Variants in HIP1 observed in about 807,000 individuals in gnomAD.
HIP1 encodes the protein huntingtin interacting protein 1.
In HIP1, 65 loss-of-function variants were observed where a neutral mutation model predicts 147.6. That is an observed-to-expected ratio of 0.44 (90% CI 0.36 to 0.54). The LOEUF (loss-of-function observed/expected upper bound fraction) is 0.54, where lower values mean the gene tolerates loss of function less well. HIP1 is among the 20% of genes least tolerant of loss of function. The pLI, the probability that HIP1 is intolerant of heterozygous loss-of-function variation, is 0.00. For synonymous variants in HIP1, 479 were observed against 504.0 expected (o/e 0.95, Z 0.67); for missense variants, 1,061 against 1,299.6 (o/e 0.82, Z 2.82).
At chr7:75,723,787 C>T (rs1432217351) in intron 1 of HIP1, among the ~76,000 whole-genome samples, 5 of 152,056 alleles carry the variant, frequency 3.3e-5, no homozygotes, top group African/African-American at 1.2e-4. Context: ...GCTTTAAGAT[C>T]CTTAATTACA....
At chr7:75,549,033 T>A (rs1260174920) in intron 22 of HIP1, 32 bp from the exon 23 acceptor site, 1 of 1,477,346 alleles carries the variant, frequency 6.8e-7, no homozygotes, top group Non-Finnish European at 9.5e-7. Context: ...TGAACTGACC[T>A]TGGGGCCTCC....
intron 1 of HIP1, among the ~76,000 whole-genome samples, chr7:75,669,379 A>C (rs2696196): frequency 0.57 from 85,812 of 151,600 alleles, 24,766 homozygotes; most frequent in African/African-American, 0.66. Context: ...TCTCAAAAAA[A>C]CAAAACAAAA....
chr7:75,547,879 T>C (rs764900126), intron 23 of HIP1, 66 bp from the exon 24 acceptor site: 103 of 1,397,444 alleles, frequency 7.4e-5, no homozygotes, highest in Middle Eastern at 1.8e-4. Context: ...TGTCTTACTA[T>C]ACTTTCAGTC....
intron 1 of HIP1, among the ~76,000 whole-genome samples, chr7:75,660,080 A>G (rs1799263243): frequency 6.6e-6 from 1 of 151,542 alleles, no homozygotes; most frequent in South Asian, 2.1e-4. Flanking sequence ...GAGCCGAGAT[A>G]GTGCCATTGT....
chr7:75,561,285 C>A, intron 13 of HIP1, 44 bp downstream of exon 13: 1 of 1,294,492 alleles, frequency 7.7e-7, no homozygotes, highest in Non-Finnish European at 1.1e-6. Context: ...TCAAATCTAC[C>A]GTGTTTTGGT....
At chr7:75,655,904 G>A (rs782011450) in intron 1 of HIP1, among the ~76,000 whole-genome samples, 1 of 152,112 alleles carries the variant, frequency 6.6e-6, no homozygotes, top group African/African-American at 2.4e-5. Context: ...TGGATCACTT[G>A]AGGTCAGGAG....
At chr7:75,678,340 C>CTTTT (rs782045169) in intron 1 of HIP1, among the ~76,000 whole-genome samples, 17 of 86,298 alleles carry the variant, frequency 2.0e-4, no homozygotes, top group Admixed American at 2.9e-4. Flanking sequence ...TTCCTTTATT[C>CTTTT]TTTTTTTTTT....
intron 1 of HIP1, among the ~76,000 whole-genome samples, chr7:75,681,218 A>G (rs559108665): frequency 3.9e-5 from 6 of 152,040 alleles, no homozygotes; most frequent in Non-Finnish European, 7.4e-5. Flanking sequence ...CAGTGATAAA[A>G]TATAACTTTC....
At chr7:75,663,257 C>T (rs1799372443) in intron 1 of HIP1, among the ~76,000 whole-genome samples, 1 of 152,144 alleles carries the variant, frequency 6.6e-6, no homozygotes, top group Admixed American at 6.6e-5. Flanking sequence ...CTCCAGATGT[C>T]TGTAGTGTAA....
intron 1 of HIP1, among the ~76,000 whole-genome samples, chr7:75,722,959 A>G (rs557371865): frequency 2.0e-5 from 3 of 152,314 alleles, no homozygotes; most frequent in South Asian, 2.1e-4. Flanking sequence ...AACGACAAGT[A>G]TTCCTGTAGG....
intron 1 of HIP1, among the ~76,000 whole-genome samples, chr7:75,601,462 G>A (rs753604515): frequency 2.3e-4 from 35 of 151,866 alleles, no homozygotes; most frequent in Non-Finnish European, 4.4e-4. Context: ...GGTGACGGGC[G>A]CCTGTAATCC....
chr7:75,595,239 T>TTCCTTCCTTC (rs1796668107), intron 2 of HIP1, among the ~76,000 whole-genome samples: 32 of 110,760 alleles, frequency 2.9e-4, no homozygotes, highest in East Asian at 9.7e-4. Context: ...TTTCTTTCTT[T>TTCCTTCCTTC]CTTTCTTTCT....
At chr7:75,709,288 T>C (rs550647523) in intron 1 of HIP1, among the ~76,000 whole-genome samples, 159 of 152,090 alleles carry the variant, frequency 1.0e-3, no homozygotes, top group African/African-American at 3.8e-3. Flanking sequence ...GATGTTTGTA[T>C]TTTCAGTAGA....
intron 1 of HIP1, among the ~76,000 whole-genome samples, chr7:75,622,010 G>A (rs1392985077): frequency 6.6e-6 from 1 of 152,164 alleles, no homozygotes; most frequent in Middle Eastern, 3.2e-3. Context: ...TAGGCCAGGT[G>A]TGGTGGCTCA....
At chr7:75,616,044 C>G (rs1179473244) in intron 1 of HIP1, among the ~76,000 whole-genome samples, 1 of 132,088 alleles carries the variant, frequency 7.6e-6, no homozygotes, top group Non-Finnish European at 1.5e-5. Flanking sequence ...TGAGATCACA[C>G]CACTGCACTC....
rs192518369 is a variant in HIP1 at position 75,652,053 on chromosome 7, C to A, written c.121-52806G>T. Among the ~76,000 whole-genome samples, 57 of 149,040 alleles carry A rather than the reference C, an allele frequency of 3.8e-4. No homozygotes were observed. The East Asian group carries it at 0.011, about 28-fold the overall frequency. The stretch of plus-strand genomic sequence containing the variant: ...TATATGAGCCTGGTATGGTGGCTCA[C>A]ACCTGGAATCCTAGCAATTTGGGAG... On this transcript the variant is annotated intron_variant, in intron 1 of 30. Coordinates refer to ENST00000336926, the MANE Select transcript of HIP1 (RefSeq NM_005338.7).
chr7:75,722,824 G>A (rs1801538945), intron 1 of HIP1, among the ~76,000 whole-genome samples: 1 of 152,088 alleles, frequency 6.6e-6, no homozygotes, highest in Non-Finnish European at 1.5e-5. Context: ...GAACTCCATG[G>A]CTCAGCAGGA....
At position 75,548,940 on chromosome 7, in the gene HIP1, T is replaced by TCCTTGTC. The variant is rs782741299; in HGVS notation, c.2350_2356dup (p.Glu786GlyfsTer12). ...AATAGCAGCTGAAGTGGCCGCCATC[T>TCCTTGTC]CCTTGTCCACCAGGTCCCCCAGCTC... On this transcript the variant is annotated frameshift_variant, in exon 23 of 31. Transcript: ENST00000336926. LOFTEE classifies it high-confidence loss of function. 7 of 1,614,100 alleles carry TCCTTGTC rather than the reference T, an allele frequency of 4.3e-6. No homozygotes were observed. The highest frequency in any genetic ancestry group is 5.9e-6 in the Non-Finnish European group (7 of 1,179,976).
chr7:75,636,222 G>A (rs1487504522), intron 1 of HIP1, among the ~76,000 whole-genome samples: 3 of 151,540 alleles, frequency 2.0e-5, no homozygotes, highest in Admixed American at 6.6e-5. Flanking sequence ...CTGGGGGCGC[G>A]CGCCTGTAGT....
Sources: allele counts gnomAD v4.1 joint callset (sites outside exome capture counted in the v4.1 genomes callset), GRCh38; gene constraint gnomAD v4.1.1; transcripts MANE v1.5; gene names NCBI Gene and HGNC (gene_info 2026-07-23, HGNC 2026-07-21).